The following ARSF variants were observed in gnomAD, a reference collection of about 807,000 sequenced individuals.
ARSF encodes arylsulfatase F.
ARSF carries 33 observed loss-of-function variants against 35.4 expected under a neutral mutation model. That is an observed-to-expected ratio of 0.93 (90% CI 0.71 to 1.25). The LOEUF is 1.25. ARSF is among the 50% of genes most tolerant of loss of function. ARSF has a pLI of 0.00. For missense variants in ARSF, 501 were observed against 480.2 expected (o/e 1.04, Z -0.40); for synonymous variants, 222 against 193.1 (o/e 1.15, Z -1.24).
Position 3,103,774 on chromosome X carries a change from T to C in ARSF, c.1115T>C (p.Met372Thr). The C allele has an allele frequency of 8.3e-7, 1 of 1,210,949 alleles. No individual in the cohort carries two copies. Among genetic ancestry groups the C allele is most frequent in the Non-Finnish European group, 1.1e-6 (1 of 895,162 alleles). ...CATTGTCTTATAGGTGGAAAAGGCATGGGGGGCTGGGAAGGTGGAATCCGC... is the reference window on the plus strand; with the variant it reads ...CATTGTCTTATAGGTGGAAAAGGCACGGGGGGCTGGGAAGGTGGAATCCGC... ...WNGIYKGGKG[M>T]GGWEGGIRVP... Residue 372 changes from methionine (M) to threonine (T), a missense_variant, in exon 9 of 11, where the codon ATG becomes ACG. Met to Thr is a moderately conservative substitution (Grantham distance 81, BLOSUM62 -1). Transcript: ENST00000381127.
intron 7 of ARSF, among the ~76,000 whole-genome samples, chrX:3,100,884 C>G (rs5939165): frequency 0.16 from 17,666 of 111,072 alleles, 1,086 homozygotes; most frequent in Middle Eastern, 0.22. Context: ...CATGAGCCAC[C>G]GCGCCCGGCC....
chrX:3,098,246 T>C (rs145864175), intron 7 of ARSF, among the ~76,000 whole-genome samples: 49 of 110,797 alleles, frequency 4.4e-4, no homozygotes, highest in African/African-American at 1.5e-3. Context: ...ATTACAGGTG[T>C]GAGCCATGAT....
intron 1 of ARSF, chrX:3,058,602 C>T: frequency 3.1e-6 from 1 of 327,675 alleles, no homozygotes; most frequent in Non-Finnish European, 5.9e-6. Flanking sequence ...CCTATAATCA[C>T]AGTGCTTCAT....
At chrX:3,080,199 A>G (rs760973461) in intron 4 of ARSF, among the ~76,000 whole-genome samples, 4 of 88,352 alleles carry the variant, frequency 4.5e-5, no homozygotes, top group Admixed American at 1.3e-4. Flanking sequence ...TTTTTGGCTG[A>G]GTGCAGTGGC....
intron 1 of ARSF, among the ~76,000 whole-genome samples, chrX:3,060,618 A>T (rs897167469): frequency 2.7e-5 from 3 of 111,854 alleles, no homozygotes; most frequent in Non-Finnish European, 3.8e-5. Context: ...GAAGACCTTA[A>T]ATGACCTGAC....
Position 3,110,038 on chromosome X carries a change from C to T in ARSF, c.1266-90C>T, listed in dbSNP as rs949300315. The T allele has an allele frequency of 1.4e-5, 13 of 948,629 alleles. No individual in the cohort carries two copies. In the South Asian group the frequency reaches 2.3e-4, roughly 17 times the overall value. The allele number at this position is 948,629 out of a possible 1,213,427, so 78.2% of individuals were successfully genotyped here. On this transcript the variant is annotated intron_variant, in intron 9 of 10. Coordinates refer to ENST00000381127, the MANE Select transcript of ARSF (RefSeq NM_001201539.2). Reference sequence around the variant, plus strand: ...GCTGTCCTCTGGACCTGAGGCATGACGCAGTCTTCACCAAGTACCCTTCAG... The same window carrying T: ...GCTGTCCTCTGGACCTGAGGCATGATGCAGTCTTCACCAAGTACCCTTCAG...
intron 10 of ARSF, 102 bp downstream of exon 10, chrX:3,110,354 T>G: frequency 5.5e-5 from 44 of 804,348 alleles, no homozygotes; most frequent in East Asian, 9.3e-5. Context: ...GGTCCTTTCA[T>G]TCCAGGGCTC....
chrX:3,102,910 C>CAA (rs1331551060), intron 8 of ARSF, among the ~76,000 whole-genome samples: 5 of 96,770 alleles, frequency 5.2e-5, no homozygotes, highest in African/African-American at 1.9e-4. Flanking sequence ...GACTCCATCT[C>CAA]AAAAAAAAAA....
intron 1 of ARSF, among the ~76,000 whole-genome samples, chrX:3,062,671 A>C (rs2090046963): frequency 8.9e-6 from 1 of 112,032 alleles, no homozygotes; most frequent in African/African-American, 3.2e-5. Flanking sequence ...GAATACTATA[A>C]ACACCTCTAT....
intron 1 of ARSF, among the ~76,000 whole-genome samples, chrX:3,050,893 A>G (rs1311182611): frequency 6.3e-5 from 7 of 111,658 alleles, no homozygotes; most frequent in Admixed American, 1.9e-4. Context: ...CTCAGTGTGC[A>G]TGCTTGAGCC....
At chrX:3,062,390 G>T (rs778429220) in intron 1 of ARSF, among the ~76,000 whole-genome samples, 18 of 111,562 alleles carry the variant, frequency 1.6e-4, no homozygotes, top group African/African-American at 5.9e-4. Context: ...ACAATGAAAA[G>T]AACTAGAGAA....
At position 3,089,479 on chromosome X, in the gene ARSF, C is replaced by T. The variant is rs895288388; in HGVS notation, c.831-17C>T. ...GATATTGAAAACTCACAAGTAGTTT[C>T]ATTGATGTCTTCTCAGGCACAGTAA... On this transcript the variant is annotated splice_polypyrimidine_tract_variant and intron_variant, in intron 6 of 10. Coordinates refer to ENST00000381127, the MANE Select transcript of ARSF (RefSeq NM_001201539.2). 19 of 1,209,353 alleles carry T rather than the reference C, an allele frequency of 1.6e-5. No individual in the cohort carries two copies. The highest frequency in any genetic ancestry group is 2.1e-5 in the Non-Finnish European group (19 of 893,917).
At chrX:3,074,312 T>C (rs1341194201) in intron 3 of ARSF, among the ~76,000 whole-genome samples, 1 of 111,086 alleles carries the variant, frequency 9.0e-6, no homozygotes, top group African/African-American at 3.3e-5. Flanking sequence ...TTTACAATTT[T>C]TTTCTTTGCA....
At chrX:3,052,383 T>C (rs1354472999) in intron 1 of ARSF, among the ~76,000 whole-genome samples, 10 of 112,248 alleles carry the variant, frequency 8.9e-5, no homozygotes, top group Non-Finnish European at 1.9e-4. Flanking sequence ...CTAGTCCACT[T>C]TGGCCAAAAA....
intron 1 of ARSF, among the ~76,000 whole-genome samples, chrX:3,066,345 C>G (rs1306926109): frequency 9.0e-6 from 1 of 111,543 alleles, no homozygotes; most frequent in Non-Finnish European, 1.9e-5. Flanking sequence ...TTATACCCCA[C>G]ACTTTGTCTT....
At chrX:3,096,067 T>C (rs1052413073) in intron 7 of ARSF, among the ~76,000 whole-genome samples, 10 of 108,503 alleles carry the variant, frequency 9.2e-5, no homozygotes, top group African/African-American at 3.3e-4. Context: ...CATTTGTTTT[T>C]GTATAGTATA....
At chrX:3,062,670 A>G (rs2090046950) in intron 1 of ARSF, among the ~76,000 whole-genome samples, 1 of 112,091 alleles carries the variant, frequency 8.9e-6, no homozygotes, top group African/African-American at 3.2e-5. Context: ...AGAATACTAT[A>G]AACACCTCTA....
At chrX:3,111,116 C>T (rs2090442164) in intron 10 of ARSF, among the ~76,000 whole-genome samples, 1 of 107,963 alleles carries the variant, frequency 9.3e-6, no homozygotes, top group Non-Finnish European at 1.9e-5. Context: ...GGGTGCATGC[C>T]TCTGATGTGC....
At chrX:3,048,365 A>G (rs150123918) in intron 1 of ARSF, among the ~76,000 whole-genome samples, 3,377 of 112,431 alleles carry the variant, frequency 0.03, 64 homozygotes, top group Middle Eastern at 0.078. Context: ...CCTTGTGGAC[A>G]AAGGACAGAC....
Sources: allele counts gnomAD v4.1 joint callset (sites outside exome capture counted in the v4.1 genomes callset), GRCh38; gene constraint gnomAD v4.1.1; transcripts MANE v1.5; gene names NCBI Gene and HGNC (gene_info 2026-07-23, HGNC 2026-07-21).